The following MINAR1 variants were observed in gnomAD, a reference collection of about 807,000 sequenced individuals.
The protein encoded by MINAR1 is major intrinsically disordered Notch2-binding receptor 1.
A neutral mutation model predicts 65.1 loss-of-function variants in MINAR1; 40 were observed. That is an observed-to-expected ratio of 0.61 (90% CI 0.48 to 0.80). MINAR1 has a LOEUF of 0.80. Ranked by LOEUF, MINAR1 falls within the 30% of genes least tolerant of loss-of-function variation. The pLI, the probability that MINAR1 is intolerant of heterozygous loss-of-function variation, is 0.00. For synonymous variants in MINAR1, 482 were observed against 449.1 expected, an observed-to-expected ratio of 1.07 and a Z score of -0.93; for missense variants, 1,128 against 1,148.0, an observed-to-expected ratio of 0.98 and a Z score of 0.25.
In MINAR1 at chr15:79,457,563, T is replaced by C; in HGVS notation, c.1416T>C (p.Ser472=). The C allele has an allele frequency of 6.2e-7, 1 of 1,614,026 alleles. No individual in the cohort carries two copies. Among genetic ancestry groups the C allele is most frequent in the Non-Finnish European group, 8.5e-7 (1 of 1,179,998 alleles). Residue 472 remains serine, a synonymous_variant, in exon 2 of 4, where the codon AGT becomes AGC. Coordinates refer to ENST00000305428, the MANE Select transcript of MINAR1 (RefSeq NM_015206.3). ...CTSGQLSSDT[S]SVGTQTEHVL... The stretch of plus-strand genomic sequence containing the variant: ...GTGGGCAGCTCAGCTCAGACACCAG[T>C]AGCGTGGGCACCCAGACTGAGCACG...
chr15:79,451,852 G>A (rs1020913825), intron 1 of MINAR1, among the ~76,000 whole-genome samples: 1 of 152,178 alleles, frequency 6.6e-6, no homozygotes, highest in African/African-American at 2.4e-5. Flanking sequence ...CTTCCCAAAC[G>A]CCAGAGAGGG....
chr15:79,430,040 A>AG (rs1052098809), upstream of MINAR1, among the ~76,000 whole-genome samples: 6 of 152,204 alleles, frequency 3.9e-5, no homozygotes, highest in Non-Finnish European at 7.3e-5. Flanking sequence ...AGTAGCCAGG[A>AG]GGGGAAAAGG....
At chr15:79,463,963 A>C (rs1001635175) in intron 3 of MINAR1, among the ~76,000 whole-genome samples, 4 of 152,210 alleles carry the variant, frequency 2.6e-5, no homozygotes, top group African/African-American at 9.6e-5. Context: ...CTGTGCACTT[A>C]GCTTTGTAGG....
the MINAR1 span, chr15:79,415,778 G>T: frequency 3.3e-5 from 5 of 152,302 alleles, no homozygotes; most frequent in East Asian, 9.6e-4. Context: ...TCCCAGAAAA[G>T]GTCAAGAAGC....
At chr15:79,468,091 G>C in intron 3 of MINAR1, 96 bp from the exon 4 acceptor site, 2 of 962,588 alleles carry the variant, frequency 2.1e-6, no homozygotes, top group Non-Finnish European at 3.2e-6. Context: ...CCCAGCTGCA[G>C]ACAACTTAAG....
At chr15:79,464,186 T>A (rs1324568887) in intron 3 of MINAR1, among the ~76,000 whole-genome samples, 1 of 152,222 alleles carries the variant, frequency 6.6e-6, no homozygotes, top group Non-Finnish European at 1.5e-5. Context: ...CAGGACTCTT[T>A]CGCTGTGTGA....
chr15:79,427,233 G>A, the MINAR1 span: 1 of 152,146 alleles, frequency 6.6e-6, no homozygotes, highest in African/African-American at 2.4e-5. Flanking sequence ...TCATGGACAC[G>A]AAGAAGGGAA....
intron 1 of MINAR1, among the ~76,000 whole-genome samples, chr15:79,455,229 A>G (rs567846099): frequency 6.6e-6 from 1 of 152,294 alleles, no homozygotes; most frequent in Non-Finnish European, 1.5e-5. Context: ...TACAATCCGA[A>G]CTTACCACTA....
At chr15:79,425,023 CTTTTG>C in the MINAR1 span, 16 of 150,474 alleles carry the variant, frequency 1.1e-4, no homozygotes, top group African/African-American at 2.2e-4. Context: ...CATGGTTCTT[CTTTTG>C]TTTGTTTGTG....
At chr15:79,465,183 G>A (rs912670825) in intron 3 of MINAR1, among the ~76,000 whole-genome samples, 9 of 152,202 alleles carry the variant, frequency 5.9e-5, no homozygotes, top group African/African-American at 1.7e-4. Flanking sequence ...AGGAAGTAGA[G>A]AGTTCAATAG....
intron 2 of MINAR1, among the ~76,000 whole-genome samples, chr15:79,461,945 C>T (rs992351954): frequency 2.0e-5 from 3 of 152,238 alleles, no homozygotes; most frequent in East Asian, 3.9e-4. Context: ...CGTGTGCCCA[C>T]GTTCTTGCAC....
chr15:79,431,516 G>GGT (rs1805081111), upstream of MINAR1, among the ~76,000 whole-genome samples: 5 of 149,970 alleles, frequency 3.3e-5, no homozygotes, highest in African/African-American at 1.0e-4. Context: ...TGTGTGTGTG[G>GGT]GGGGGGAGAG....
rs745422842 is a variant in MINAR1 at position 79,468,370 on chromosome 15, A to C, written c.2737A>C (p.Thr913Pro). The change falls in exon 4 of 4, where the codon ACA (threonine) becomes CCA (proline). Residue 913 changes from threonine (T) to proline (P), a missense_variant. By Grantham distance (38) the Thr-to-Pro change is conservative (BLOSUM62 -1). Transcript: ENST00000305428. Reference protein sequence around the residue: ...VILVIVVPICTMKS With the variant: ...VILVIVVPICPMKS Reference sequence around the variant, plus strand: ...CCTCGTTATTGTCGTGCCCATCTGCACAATGAAATCATGAGCTAAGAATGC... The same window carrying C: ...CCTCGTTATTGTCGTGCCCATCTGCCCAATGAAATCATGAGCTAAGAATGC... 2 of 1,613,970 alleles carry C rather than the reference A, an allele frequency of 1.2e-6. No individual in the cohort carries two copies. Among genetic ancestry groups the C allele is most frequent in the African/African-American group, 1.3e-5 (1 of 75,064 alleles).
Position 79,469,639 on chromosome 15 carries a change from T to TAA in MINAR1, c.*1258_*1259dup, listed in dbSNP as rs1896004251. On this transcript the variant is annotated 3_prime_UTR_variant, in exon 4 of 4. Transcript: ENST00000305428. ...ACTTGAGAGCAAGGTTTCTTTCGTG[T>TAA]AAAAGAAGCTGTTGTAATTTCATCC... 1 of 152,632 alleles carries TAA rather than the reference T, an allele frequency of 6.6e-6. No homozygotes were observed. The allele number at this position is 152,632 out of a possible 1,614,324, so 9.5% of individuals were successfully genotyped here.
intron 3 of MINAR1, among the ~76,000 whole-genome samples, chr15:79,466,435 A>C (rs187176667): frequency 1.3e-5 from 2 of 152,334 alleles, no homozygotes; most frequent in East Asian, 3.9e-4. Flanking sequence ...TTGGAAACAA[A>C]TAGGAGTGGC....
In MINAR1 at chr15:79,470,324, C is replaced by G. The variant is rs910337219; in HGVS notation, c.*1940C>G. On this transcript the variant is annotated 3_prime_UTR_variant, in exon 4 of 4. Coordinates refer to ENST00000305428, the MANE Select transcript of MINAR1 (RefSeq NM_015206.3). ...TTGCCTTTCCACCTAACCCCTCAAC[C>G]AGTAAGACTCTACACCATATTGTAG... 1.3e-5 allele frequency: 2 copies of G among 152,422 alleles called. No homozygotes were observed. The highest frequency in any genetic ancestry group is 2.9e-5 in the Non-Finnish European group (2 of 68,042). The allele number at this position is 152,422 out of a possible 1,614,324, so 9.4% of individuals were successfully genotyped here.
chr15:79,458,233 G>T lies in MINAR1; in HGVS notation c.2086G>T (p.Val696Phe), dbSNP rs749753812. The stretch of plus-strand genomic sequence containing the variant: ...CGGGAGCAACAGTGAAAGCCTGCGG[G>T]TCAAGGCCTTAAAAAAAAGCCTCTT... Reference protein sequence around the residue: ...ASGSNSESLRVKALKKSLFTR... With the variant: ...ASGSNSESLRFKALKKSLFTR... The change falls in exon 2 of 4, where the codon GTC becomes TTC. Residue 696 changes from valine to phenylalanine, a missense_variant. Physicochemically the swap from Val to Phe is conservative, Grantham distance 50. Transcript: ENST00000305428. The T allele has an allele frequency of 6.2e-7, 1 of 1,613,974 alleles. No individual in the cohort carries two copies. Among genetic ancestry groups the T allele is most frequent in the Middle Eastern group, 1.6e-4 (1 of 6,082 alleles).
chr15:79,455,897 A>G (rs945439910), intron 1 of MINAR1, among the ~76,000 whole-genome samples: 5 of 152,212 alleles, frequency 3.3e-5, no homozygotes, highest in African/African-American at 4.8e-5. Context: ...CATAATTGTT[A>G]TCAATCATTA....
At chr15:79,434,294 C>T (rs1349424227) in intron 1 of MINAR1, among the ~76,000 whole-genome samples, 1 of 152,064 alleles carries the variant, frequency 6.6e-6, no homozygotes, top group Non-Finnish European at 1.5e-5. Flanking sequence ...GATTTTTTTT[C>T]TGGCCAATGC....
Sources: allele counts gnomAD v4.1 joint callset (sites outside exome capture counted in the v4.1 genomes callset), GRCh38; gene constraint gnomAD v4.1.1; transcripts MANE v1.5; gene names NCBI Gene and HGNC (gene_info 2026-07-23, HGNC 2026-07-21).